The following TRIB1 variants were observed in gnomAD, a reference collection of about 807,000 sequenced individuals.
TRIB1 encodes the protein tribbles homolog 1.
In TRIB1, 12 loss-of-function variants were observed where a neutral mutation model predicts 27.8. The observed-to-expected ratio is 0.43, with a 90% confidence interval of 0.28 to 0.70. TRIB1 has a LOEUF of 0.70. TRIB1 is among the 30% of genes least tolerant of loss of function. The probability of loss-of-function intolerance (pLI) is 0.18; values close to 1 mark genes in which losing one functional copy is unlikely to be tolerated. For missense variants in TRIB1, 475 were observed against 515.8 expected (o/e 0.92, Z 0.77); for synonymous variants, 230 against 224.9 (o/e 1.02, Z -0.20).
chr8:125,432,069 A>G (rs1814665627), intron 1 of TRIB1: 1 of 169,984 alleles, frequency 5.9e-6, no homozygotes, highest in Non-Finnish European at 1.2e-5. Flanking sequence ...CCCCTGCTTG[A>G]GGCACCCCAG....
chr8:125,432,171 C>G (rs2129808594), intron 1 of TRIB1: 1 of 891,960 alleles, frequency 1.1e-6, no homozygotes, highest in East Asian at 1.2e-4. Context: ...CTGACACTCC[C>G]AACACCCCGA....
intron 1 of TRIB1, chr8:125,432,841 G>A (rs1416070246): frequency 1.3e-5 from 2 of 157,254 alleles, no homozygotes; most frequent in African/African-American, 4.8e-5. Flanking sequence ...AGGCTGCAGA[G>A]TCACCACATT....
At chr8:125,432,327 A>ATG in intron 1 of TRIB1, 1 of 211,822 alleles carries the variant, frequency 4.7e-6, no homozygotes, top group Non-Finnish European at 7.2e-6. Flanking sequence ...ACAAGCATGT[A>ATG]TGTGTGTGTG....
chr8:125,433,096 T>C lies in TRIB1; in HGVS notation c.361-221T>C, dbSNP rs1328492287. 2 of 564,644 alleles carry C rather than the reference T, an allele frequency of 3.5e-6. No homozygotes were observed. Among genetic ancestry groups the C allele is most frequent in the Non-Finnish European group, 6.3e-6 (2 of 315,602 alleles). 35.0% of individuals were successfully genotyped at this position (564,644 alleles called of 1,614,324 possible). ...ATCTGTGTGAAAGCGGGTAACCCTT[T>C]GGGTATTTGCAAGTCTAGAGCTTTA... On this transcript the variant is annotated intron_variant, in intron 1 of 2. Coordinates refer to ENST00000311922, the MANE Select transcript of TRIB1 (RefSeq NM_025195.4). The surrounding 1 kb of genome is among the most constrained non-coding windows in gnomAD (Gnocchi z 4.4).
In TRIB1 at chr8:125,433,307, C is replaced by T. The variant is rs763879509; in HGVS notation, c.361-10C>T. On this transcript the variant is annotated splice_polypyrimidine_tract_variant and intron_variant, in intron 1 of 2. Coordinates refer to ENST00000311922, the MANE Select transcript of TRIB1 (RefSeq NM_025195.4). The surrounding 1 kb of genome is among the most constrained non-coding windows in gnomAD (Gnocchi z 4.4). ...CTAGCCCCCTAAACGGGCCCCCCTT[C>T]TCTCTACAGGTGTTTCCCATTAAAC... 2.6e-5 allele frequency: 42 copies of T among 1,603,808 alleles called. No individual in the cohort carries two copies. The highest frequency in any genetic ancestry group is 3.2e-5 in the Non-Finnish European group (38 of 1,171,746).
chr8:125,430,849 T>G lies in TRIB1; in HGVS notation c.-54T>G. ...AGCCGGCACCAAACCCGCAGCGTCTTCCCGCGCGGATCCCGGGACTTAAAA... is the reference window on the plus strand; with the variant it reads ...AGCCGGCACCAAACCCGCAGCGTCTGCCCGCGCGGATCCCGGGACTTAAAA... On this transcript the variant is annotated 5_prime_UTR_variant, in exon 1 of 3. Transcript: ENST00000311922. 1 of 1,362,486 alleles carries G rather than the reference T, an allele frequency of 7.3e-7. No homozygotes were observed. The highest frequency in any genetic ancestry group is 1.7e-5 in the South Asian group (1 of 58,660). 84.4% of individuals were successfully genotyped at this position (1,362,486 alleles called of 1,614,324 possible).
At position 125,437,335 on chromosome 8, in the gene TRIB1, C is replaced by G. The variant is rs1814772932; in HGVS notation, c.*864C>G. On this transcript the variant is annotated 3_prime_UTR_variant, in exon 3 of 3. Transcript: ENST00000311922. ...CTTTACTTTTTCCCCAAGACCATCT[C>G]AGGGTGGAGCATTCTGTCTAAGAGA... 2 of 152,366 alleles carry G rather than the reference C, an allele frequency of 1.3e-5. No homozygotes were observed. The highest frequency in any genetic ancestry group is 6.5e-5 in the Admixed American group (1 of 15,282). 9.4% of individuals were successfully genotyped at this position (152,366 alleles called of 1,614,324 possible).
At position 125,433,353 on chromosome 8, in the gene TRIB1, C is replaced by A; in HGVS notation, c.397C>A (p.Pro133Thr). The change falls in exon 2 of 3, where the codon CCT (proline) becomes ACT (threonine). Residue 133 changes from proline to threonine, a missense_variant. By Grantham distance (38) the Pro-to-Thr change is conservative. Coordinates refer to ENST00000311922, the MANE Select transcript of TRIB1 (RefSeq NM_025195.4). This position sits in a 1 kb window ranked among gnomAD's most constrained non-coding sequence, Gnocchi z 4.4. ...PIKHYQDKIR[P>T]YIQLPSHSNI... ...TAAACACTACCAGGACAAAATCAGG[C>A]CTTACATCCAGCTGCCATCGCACAG... The A allele has an allele frequency of 6.2e-7, 1 of 1,614,126 alleles. No individual in the cohort carries two copies. Among genetic ancestry groups the A allele is most frequent in the East Asian group, 2.2e-5 (1 of 44,882 alleles).
In TRIB1 at chr8:125,431,337, C is replaced by T. The variant is rs1056670956; in HGVS notation, c.360+75C>T. On this transcript the variant is annotated intron_variant, in intron 1 of 2. Transcript: ENST00000311922. ...GGTGGTAGGCAAAGGTGCTTGGGGTCCGGCCAACGCTTGGGCTGGGCACAG... is the reference window on the plus strand; with the variant it reads ...GGTGGTAGGCAAAGGTGCTTGGGGTTCGGCCAACGCTTGGGCTGGGCACAG... 11 of 1,239,170 alleles carry T rather than the reference C, an allele frequency of 8.9e-6. No individual in the cohort carries two copies. The African/African-American group carries it at 1.4e-4, about 16-fold the overall frequency. The allele number at this position is 1,239,170 out of a possible 1,614,324, so 76.8% of individuals were successfully genotyped here. A position where few individuals can be genotyped will look rare whatever the true frequency, so the allele number is the denominator to read the frequency against.
rs1350252468 is a variant in TRIB1 at position 125,437,548 on chromosome 8, T to G, written c.*1077T>G. The G allele has an allele frequency of 6.6e-6, 1 of 152,364 alleles. No individual in the cohort carries two copies. 9.4% of individuals were successfully genotyped at this position (152,364 alleles called of 1,614,324 possible). On this transcript the variant is annotated 3_prime_UTR_variant, in exon 3 of 3. Transcript: ENST00000311922. ...ACATCTGCAGTTTTGCATGGTGGGT[T>G]GTTAATATTTCAAATGTGTGGTTTA...
intron 1 of TRIB1, chr8:125,432,286 C>T (rs1475604021): frequency 2.0e-5 from 20 of 983,708 alleles, no homozygotes; most frequent in Non-Finnish European, 2.4e-5. Context: ...ACCTTTTCTT[C>T]TCCATGACTG....
intron 1 of TRIB1, 71 bp downstream of exon 1, chr8:125,431,333 G>C (rs1814653159): frequency 8.0e-7 from 1 of 1,244,324 alleles, no homozygotes; most frequent in African/African-American, 1.6e-5. Flanking sequence ...AAGGTGCTTG[G>C]GGTCCGGCCA....
At position 125,436,136 on chromosome 8, in the gene TRIB1, G is replaced by A. The variant is rs1294173353; in HGVS notation, c.784G>A (p.Gly262Arg). 3 of 1,614,072 alleles carry A rather than the reference G, an allele frequency of 1.9e-6. No homozygotes were observed. The highest frequency in any genetic ancestry group is 2.5e-6 in the Non-Finnish European group (3 of 1,180,050). ...EILNTTGTYS[G>R]KAADVWSLGV... ...CCTCAACACCACTGGGACCTACTCC[G>A]GAAAGGCTGCGGACGTTTGGAGCCT... The change falls in exon 3 of 3, where the codon GGA (glycine) becomes AGA (arginine). Residue 262 changes from glycine (G) to arginine (R), a missense_variant. Physicochemically the swap from Gly to Arg is moderately radical, Grantham distance 125. Coordinates refer to ENST00000311922, the MANE Select transcript of TRIB1 (RefSeq NM_025195.4).
Position 125,433,145 on chromosome 8 carries a change from CAG to C in TRIB1, c.361-171_361-170del, listed in dbSNP as rs555153599. ...TAGGTGTTACTGGTTTTAAAGGTGT[CAG>C]GGGCAGCTGGGGCTGCGTAAGGTAA... On this transcript the variant is annotated intron_variant, in intron 1 of 2. Transcript: ENST00000311922. This position sits in a 1 kb window ranked among gnomAD's most constrained non-coding sequence, Gnocchi z 4.4. The C allele has an allele frequency of 5.3e-4, 372 of 697,364 alleles. 1 individual carries two copies. The highest frequency in any genetic ancestry group is 1.6e-3 in the Middle Eastern group (4 of 2,430). 43.2% of individuals were successfully genotyped at this position (697,364 alleles called of 1,614,324 possible). A position where few individuals can be genotyped will look rare whatever the true frequency, so the allele number is the denominator to read the frequency against.
In TRIB1 at chr8:125,431,225, C is replaced by G; in HGVS notation, c.323C>G (p.Ala108Gly). ...GCCGAGCGCGAGCATGTGTCCCGGGCGCTGTGCATCCACACTGGACGCGAG... is the reference window on the plus strand; with the variant it reads ...GCCGAGCGCGAGCATGTGTCCCGGGGGCTGTGCATCCACACTGGACGCGAG... ...PLAEREHVSR[A>G]LCIHTGRELR... Residue 108 changes from alanine (A) to glycine (G), a missense_variant, in exon 1 of 3, where the codon GCG (alanine) becomes GGG (glycine). By Grantham distance (60) the Ala-to-Gly change is moderately conservative (BLOSUM62 0). Coordinates refer to ENST00000311922, the MANE Select transcript of TRIB1 (RefSeq NM_025195.4). 1 of 1,276,528 alleles carries G rather than the reference C, an allele frequency of 7.8e-7. No individual in the cohort carries two copies. Among genetic ancestry groups the G allele is most frequent in the African/African-American group, 1.5e-5 (1 of 64,900 alleles). The allele number at this position is 1,276,528 out of a possible 1,614,324, so 79.1% of individuals were successfully genotyped here.
intron 2 of TRIB1, among the ~76,000 whole-genome samples, chr8:125,434,736 C>T (rs1814720071): frequency 6.6e-6 from 1 of 152,180 alleles, no homozygotes; most frequent in African/African-American, 2.4e-5. Flanking sequence ...GTCAGGCTGA[C>T]GCTATTCGTG....
intron 2 of TRIB1, among the ~76,000 whole-genome samples, chr8:125,434,159 C>T (rs1013445493): frequency 1.3e-5 from 2 of 152,080 alleles, no homozygotes; most frequent in Non-Finnish European, 1.5e-5. Context: ...CAGAAAATAG[C>T]CACATTGAAT....
Position 125,436,010 on chromosome 8 carries a change from C to T in TRIB1, c.658C>T (p.Gln220Ter). The T allele has an allele frequency of 6.2e-7, 1 of 1,612,826 alleles. No homozygotes were observed. Among genetic ancestry groups the T allele is most frequent in the Non-Finnish European group, 8.5e-7 (1 of 1,179,252 alleles). The change falls in exon 3 of 3, where the codon CAG becomes TAG. Residue 220 changes from glutamine (Q) to a stop codon, truncating the protein, a stop_gained. Transcript: ENST00000311922. LOFTEE classifies it high-confidence loss of function. ...CTTGGTTCCTCTCTCTTGCAGAACCCAGCTTAGACTAGAAAGTCTAGAAGA... is the reference window on the plus strand; with the variant it reads ...CTTGGTTCCTCTCTCTTGCAGAACCTAGCTTAGACTAGAAAGTCTAGAAGA... ...KFVFSTEERTQLRLESLEDTH... is the reference protein window; with the variant it reads ...KFVFSTEERT
chr8:125,436,415 G>A lies in TRIB1; in HGVS notation c.1063G>A (p.Asp355Asn). Residue 355 changes from aspartate (D) to asparagine (N), a missense_variant, in exon 3 of 3, where the codon GAC becomes AAC. Asp to Asn is a conservative substitution (Grantham distance 23). Transcript: ENST00000311922. ...GYIDSEIGTSDQIVPEYQEDS... is the reference protein window; with the variant it reads ...GYIDSEIGTSNQIVPEYQEDS... Reference sequence around the variant, plus strand: ...CATCGACTCAGAAATAGGAACTTCAGACCAGATTGTTCCAGAGTACCAGGA... The same window carrying A: ...CATCGACTCAGAAATAGGAACTTCAAACCAGATTGTTCCAGAGTACCAGGA... 2 of 1,613,890 alleles carry A rather than the reference G, an allele frequency of 1.2e-6. No individual in the cohort carries two copies. The highest frequency in any genetic ancestry group is 1.7e-6 in the Non-Finnish European group (2 of 1,180,032).
Sources: allele counts gnomAD v4.1 joint callset (sites outside exome capture counted in the v4.1 genomes callset), GRCh38; gene constraint gnomAD v4.1.1; non-coding constraint Gnocchi (gnomAD v3.1); transcripts MANE v1.5; gene names NCBI Gene and HGNC (gene_info 2026-07-23, HGNC 2026-07-21).